Variants in MRC1 observed in about 807,000 individuals in gnomAD.
MRC1 encodes macrophage mannose receptor 1.
Under a neutral mutation model 102.9 loss-of-function variants are expected in MRC1, and 62 were observed. That is an observed-to-expected ratio of 0.60 (90% CI 0.49 to 0.74). The LOEUF (loss-of-function observed/expected upper bound fraction) is 0.74. Among genes scored for constraint, MRC1 ranks in the 30% least tolerant of loss-of-function variants. The pLI, the probability that MRC1 is intolerant of heterozygous loss-of-function variation, is 0.00. For missense variants in MRC1, 1,237 were observed against 862.8 expected (o/e 1.43, Z -5.43); for synonymous variants, 457 against 298.4 (o/e 1.53, Z -5.48).
chr10:17,837,745 C>T (rs1241842387), intron 4 of MRC1, among the ~76,000 whole-genome samples: 1 of 151,930 alleles, frequency 6.6e-6, no homozygotes, highest in Non-Finnish European at 1.5e-5. Context: ...GGGCTACAGG[C>T]ATGTGCCACC....
intron 23 of MRC1, among the ~76,000 whole-genome samples, chr10:17,897,207 A>T (rs1564626083): frequency 1.3e-5 from 2 of 152,224 alleles, no homozygotes; most frequent in South Asian, 4.1e-4. Context: ...GTCAGATTTC[A>T]TCCTCTGGCT....
In MRC1 at chr10:17,873,676, C is replaced by G. The variant is rs1308421311; in HGVS notation, c.2345-108C>G. ...AAGAAAGGGAAGGGAAAAAAGAGAA[C>G]AACTAAGTTTTTAGCAATATTGACT... On this transcript the variant is annotated intron_variant, in intron 15 of 29. Transcript: ENST00000569591. 3 of 783,554 alleles carry G rather than the reference C, an allele frequency of 3.8e-6. No individual in the cohort carries two copies. The East Asian group carries it at 7.3e-5, about 19-fold the overall frequency. 48.5% of individuals were successfully genotyped at this position (783,554 alleles called of 1,614,324 possible).
At chr10:17,830,422 G>A (rs1246678210) in intron 3 of MRC1, among the ~76,000 whole-genome samples, 5 of 151,398 alleles carry the variant, frequency 3.3e-5, no homozygotes, top group South Asian at 2.1e-4. Context: ...GTGAGCCACC[G>A]TGCCCGGACG....
intron 5 of MRC1, chr10:17,845,042 G>A (rs1238347686): frequency 4.0e-6 from 3 of 745,286 alleles, no homozygotes; most frequent in African/African-American, 3.4e-5. Context: ...GGAAAGGGTT[G>A]TTTCAAAGAA....
chr10:17,908,784 G>C (rs964220082), intron 28 of MRC1, among the ~76,000 whole-genome samples: 2 of 152,144 alleles, frequency 1.3e-5, no homozygotes, highest in African/African-American at 2.4e-5. Flanking sequence ...GGCCAGGCTG[G>C]TCTCGAACTC....
At chr10:17,838,676 C>T (rs1052286673) in intron 4 of MRC1, among the ~76,000 whole-genome samples, 2 of 152,016 alleles carry the variant, frequency 1.3e-5, no homozygotes, top group African/African-American at 4.8e-5. Flanking sequence ...AGAAAAGTTA[C>T]GCCTTGAGCA....
intron 26 of MRC1, among the ~76,000 whole-genome samples, chr10:17,905,188 C>T (rs1833879536): frequency 1.3e-5 from 2 of 152,264 alleles, no homozygotes; most frequent in South Asian, 4.1e-4. Flanking sequence ...TACTGGTTTT[C>T]ACTGTGGTTG....
In MRC1 at chr10:17,870,287, A is replaced by T. The variant is rs1833336225; in HGVS notation, c.2025A>T (p.Glu675Asp). 4 of 780,426 alleles carry T rather than the reference A, an allele frequency of 5.1e-6. No individual in the cohort carries two copies. Among genetic ancestry groups the T allele is most frequent in the Non-Finnish European group, 7.2e-6 (3 of 417,730 alleles). The allele number at this position is 780,426 out of a possible 1,614,324, so 48.3% of individuals were successfully genotyped here. ...AACATGAGAAGAAAACGTGGTTTGA[A>T]TCTCGAGATTTTTGTCGAGCTCTGG... ...KGKHEKKTWF[E>D]SRDFCRALGG... Residue 675 changes from glutamate to aspartate, a missense_variant, in exon 13 of 30, where the codon GAA becomes GAT. Physicochemically the swap from Glu to Asp is conservative, Grantham distance 45 (BLOSUM62 2). Transcript: ENST00000569591.
chr10:17,812,631 G>T (rs1036798009), intron 1 of MRC1, among the ~76,000 whole-genome samples: 3 of 145,110 alleles, frequency 2.1e-5, no homozygotes, highest in African/African-American at 7.7e-5. Flanking sequence ...GAGTGCAATG[G>T]TGTGATCTTG....
chr10:17,908,727 C>T (rs1030643327), intron 28 of MRC1, among the ~76,000 whole-genome samples: 4 of 152,164 alleles, frequency 2.6e-5, no homozygotes, highest in Non-Finnish European at 5.9e-5. Context: ...CGCCACTATG[C>T]CCAGCTAATT....
chr10:17,879,639 AGGC>A, intron 18 of MRC1, 79 bp from the exon 19 acceptor site: 2 of 780,472 alleles, frequency 2.6e-6, no homozygotes, highest in South Asian at 2.7e-5. Context: ...CTGGGATTAC[AGGC>A]GTGAGCCACT....
chr10:17,819,610 A>G (rs1554838132), intron 1 of MRC1, among the ~76,000 whole-genome samples: 2 of 152,126 alleles, frequency 1.3e-5, no homozygotes, highest in African/African-American at 4.8e-5. Context: ...AGGAGTATGC[A>G]GGAAACTCAG....
At chr10:17,878,037 A>G (rs1304448532) in intron 18 of MRC1, 70 bp downstream of exon 18, 1 of 828,118 alleles carries the variant, frequency 1.2e-6, no homozygotes, top group East Asian at 2.4e-5. Flanking sequence ...AGTTATTTTG[A>G]GATTTTTCTT....
chr10:17,865,408 C>G (rs1429398928), intron 11 of MRC1: 1 of 152,222 alleles, frequency 6.6e-6, no homozygotes, highest in African/African-American at 2.4e-5. Flanking sequence ...AGTGATAAGT[C>G]TTACTCTGTA....
At chr10:17,839,237 C>T (rs577887307) in intron 4 of MRC1, among the ~76,000 whole-genome samples, 2 of 152,288 alleles carry the variant, frequency 1.3e-5, no homozygotes, top group East Asian at 3.9e-4. Context: ...ATTATCATTT[C>T]TCATGATGCC....
intron 10 of MRC1, among the ~76,000 whole-genome samples, chr10:17,862,146 G>A (rs972987057): frequency 1.3e-4 from 20 of 152,116 alleles, no homozygotes; most frequent in Admixed American, 5.9e-4. Flanking sequence ...CAAAATTATG[G>A]AGTTTTAGTA....
rs928782390 is a variant in MRC1, at chr10:17,838,306, G to A, written c.803-2387G>A. Among the ~76,000 whole-genome samples the A allele has an allele frequency of 4.6e-3, 695 of 152,228 alleles. 5 individuals are homozygous for A. Among genetic ancestry groups the A allele is most frequent in the African/African-American group, 0.016 (667 of 41,536 alleles). Reference sequence around the variant, plus strand: ...TTTCATATTATCTGCCAGGTGAAATGTTTCTGCCTGGCAACACGTTTGCAC... The same window carrying A: ...TTTCATATTATCTGCCAGGTGAAATATTTCTGCCTGGCAACACGTTTGCAC... On this transcript the variant is annotated intron_variant, in intron 4 of 29. Coordinates refer to ENST00000569591, the MANE Select transcript of MRC1 (RefSeq NM_002438.4).
At chr10:17,841,577 A>G (rs1838750090) in intron 5 of MRC1, among the ~76,000 whole-genome samples, 1 of 152,182 alleles carries the variant, frequency 6.6e-6, no homozygotes, top group South Asian at 2.1e-4. Context: ...CATGAAAGTA[A>G]CAGAATATAA....
In MRC1 at chr10:17,819,453, A is replaced by ATGTGTGTGTGTGTG. The variant is rs59778334; in HGVS notation, c.62-3597_62-3584dup. Among the ~76,000 whole-genome samples the ATGTGTGTGTGTGTG allele has an allele frequency of 1.8e-3, 260 of 145,764 alleles. 2 individuals carry two copies. Among genetic ancestry groups the ATGTGTGTGTGTGTG allele is most frequent in the African/African-American group, 6.1e-3 (240 of 39,280 alleles). On this transcript the variant is annotated intron_variant, in intron 1 of 29. Coordinates refer to ENST00000569591, the MANE Select transcript of MRC1 (RefSeq NM_002438.4). ...GGTATATGTATGAATTCAGAGTTGTATGTGTGTGTGTGTGTGTGTGTGTGT... is the reference window on the plus strand; with the variant it reads ...GGTATATGTATGAATTCAGAGTTGTATGTGTGTGTGTGTGTGTGTGTGTGTGTGTGTGTGTGTGT...
Sources: gnomAD v4.1 joint callset for allele counts (sites outside exome capture counted in the v4.1 genomes callset) on GRCh38, gnomAD v4.1.1 for gene constraint, MANE v1.5 for transcripts, NCBI Gene and HGNC (gene_info 2026-07-23, HGNC 2026-07-21) for gene names.